The following CRPPA variants were observed in gnomAD, a reference collection of about 807,000 sequenced individuals.
The protein encoded by CRPPA is D-ribitol-5-phosphate cytidylyltransferase.
In CRPPA, 43 loss-of-function variants were observed where a neutral mutation model predicts 52.0. The ratio of observed to expected loss-of-function variants is 0.83; its 90% CI spans 0.65 to 1.07. The LOEUF (loss-of-function observed/expected upper bound fraction) is 1.07. Among genes scored for constraint, CRPPA ranks in the 50% least tolerant of loss-of-function variants. CRPPA has a pLI of 0.00. For synonymous variants in CRPPA, 250 were observed against 203.5 expected (o/e 1.23, Z -1.94); for missense variants, 629 against 551.7 (o/e 1.14, Z -1.40).
intron 9 of CRPPA, among the ~76,000 whole-genome samples, chr7:16,210,799 G>A (rs1782113487): frequency 6.6e-6 from 1 of 151,772 alleles, no homozygotes; most frequent in Non-Finnish European, 1.5e-5. Flanking sequence ...TAAGTTAGAG[G>A]ATGCTTCTCT....
intron 3 of CRPPA, among the ~76,000 whole-genome samples, chr7:16,369,697 T>C (rs1349845515): frequency 1.3e-5 from 2 of 152,160 alleles, no homozygotes; most frequent in African/African-American, 2.4e-5. Flanking sequence ...AGATGGCAGA[T>C]AGCAGGCAGT....
intron 8 of CRPPA, among the ~76,000 whole-genome samples, chr7:16,248,584 T>C (rs1228464014): frequency 6.6e-6 from 1 of 152,014 alleles, no homozygotes; most frequent in Non-Finnish European, 1.5e-5. Flanking sequence ...TATTGGGAAA[T>C]AGTGAGACAA....
chr7:16,278,888 T>G (rs945050158), intron 5 of CRPPA, among the ~76,000 whole-genome samples: 3 of 152,196 alleles, frequency 2.0e-5, no homozygotes, highest in Non-Finnish European at 4.4e-5. Flanking sequence ...TCCTCCTCTA[T>G]AGCAGGCAAA....
At chr7:16,227,359 G>A (rs1055259464) in intron 8 of CRPPA, among the ~76,000 whole-genome samples, 2 of 151,734 alleles carry the variant, frequency 1.3e-5, no homozygotes, top group Admixed American at 1.3e-4. Context: ...ACTAACAAGG[G>A]AATGTATGGG....
rs1312283705 is a variant in CRPPA, at chr7:16,301,351, G to A, written c.835+70C>T. On this transcript the variant is annotated intron_variant, in intron 5 of 9. Coordinates refer to ENST00000407010, the MANE Select transcript of CRPPA (RefSeq NM_001101426.4). ...TTTTGAGATTGCTGGGATTTAAACT[G>A]TCATGAGAAATTCCGAACTGGCTTA... is the stretch of plus-strand genomic sequence containing the variant. 8 of 1,272,182 alleles carry A rather than the reference G, an allele frequency of 6.3e-6. No homozygotes were observed. The Admixed American group carries it at 9.2e-5, about 15-fold the overall frequency. 78.8% of individuals were successfully genotyped at this position (1,272,182 alleles called of 1,614,324 possible). A position where few individuals can be genotyped will look rare whatever the true frequency, so the allele number is the denominator to read the frequency against.
intron 9 of CRPPA, among the ~76,000 whole-genome samples, chr7:16,114,162 A>G (rs1055835110): frequency 6.6e-6 from 1 of 151,842 alleles, no homozygotes; most frequent in African/African-American, 2.4e-5. Context: ...TAAAAATAGG[A>G]TGTGAAACTT....
chr7:16,344,077 C>T (rs1327307578), intron 3 of CRPPA, among the ~76,000 whole-genome samples: 1 of 152,020 alleles, frequency 6.6e-6, no homozygotes, highest in African/African-American at 2.4e-5. Flanking sequence ...TAAACAGCAA[C>T]AACAAAAAAT....
At chr7:16,193,140 G>C (rs889162753) in intron 9 of CRPPA, among the ~76,000 whole-genome samples, 1 of 152,126 alleles carries the variant, frequency 6.6e-6, no homozygotes, top group Admixed American at 6.6e-5. Context: ...ACTTGGTGGA[G>C]AACTGTTATC....
intron 9 of CRPPA, among the ~76,000 whole-genome samples, chr7:16,111,283 T>TC (rs1482838512): frequency 6.6e-6 from 1 of 151,864 alleles, no homozygotes; most frequent in Non-Finnish European, 1.5e-5. Context: ...AGATAAGAAA[T>TC]GTTGGCAGGA....
At chr7:16,107,813 C>T (rs575376848) in intron 9 of CRPPA, among the ~76,000 whole-genome samples, 1 of 151,836 alleles carries the variant, frequency 6.6e-6, no homozygotes, top group South Asian at 2.1e-4. Context: ...CTAAAATTGT[C>T]AGGGATACAT....
At chr7:16,378,289 T>C (rs938522873) in intron 2 of CRPPA, among the ~76,000 whole-genome samples, 1 of 107,032 alleles carries the variant, frequency 9.3e-6, no homozygotes, top group Non-Finnish European at 1.7e-5. Context: ...GACCCCAGAG[T>C]GTGATGTTCC....
intron 4 of CRPPA, among the ~76,000 whole-genome samples, chr7:16,303,390 G>C (rs1044128380): frequency 2.7e-5 from 4 of 149,184 alleles, no homozygotes; most frequent in African/African-American, 7.5e-5. Flanking sequence ...AATTTCATAG[G>C]CACGGTAAGG....
chr7:16,266,746 T>C (rs1416449200), intron 6 of CRPPA, among the ~76,000 whole-genome samples: 1 of 152,238 alleles, frequency 6.6e-6, no homozygotes, highest in Non-Finnish European at 1.5e-5. Flanking sequence ...CCTAAAGTGC[T>C]GGGATTACAG....
At chr7:16,415,121 C>T (rs1452958143) in intron 1 of CRPPA, among the ~76,000 whole-genome samples, 1 of 152,204 alleles carries the variant, frequency 6.6e-6, no homozygotes, top group African/African-American at 2.4e-5. Flanking sequence ...CTCATTTAAT[C>T]TGATAAGTAG....
chr7:16,205,642 T>C (rs1781958074), intron 9 of CRPPA, among the ~76,000 whole-genome samples: 2 of 152,186 alleles, frequency 1.3e-5, no homozygotes, highest in African/African-American at 4.8e-5. Flanking sequence ...TCAAGGATCA[T>C]GCTTATTCCT....
chr7:16,256,900 T>G (rs191644752), intron 8 of CRPPA, among the ~76,000 whole-genome samples: 1 of 152,208 alleles, frequency 6.6e-6, no homozygotes, highest in African/African-American at 2.4e-5. Flanking sequence ...ACCCCAGAAC[T>G]TAAAGTATAA....
chr7:16,408,782 C>G (rs1052903715), intron 1 of CRPPA, among the ~76,000 whole-genome samples: 6 of 152,048 alleles, frequency 3.9e-5, no homozygotes, highest in African/African-American at 1.5e-4. Flanking sequence ...GTGGATCCAA[C>G]GTAATCACAA....
intron 2 of CRPPA, among the ~76,000 whole-genome samples, chr7:16,404,936 A>G (rs1051375550): frequency 2.0e-5 from 3 of 152,190 alleles, no homozygotes; most frequent in Non-Finnish European, 4.4e-5. Context: ...TTAAAGGCAA[A>G]TCAAAATATT....
At chr7:16,103,065 T>C (rs1029833366) in intron 9 of CRPPA, among the ~76,000 whole-genome samples, 3 of 152,126 alleles carry the variant, frequency 2.0e-5, no homozygotes, top group Non-Finnish European at 2.9e-5. Flanking sequence ...CAGATGCCCA[T>C]CAATTATAGA....
Sources: gnomAD v4.1 joint callset for allele counts (sites outside exome capture counted in the v4.1 genomes callset) on GRCh38, gnomAD v4.1.1 for gene constraint, MANE v1.5 for transcripts, NCBI Gene and HGNC (gene_info 2026-07-23, HGNC 2026-07-21) for gene names.